The following FANCC variants were observed in gnomAD, a reference collection of about 807,000 sequenced individuals.
FANCC encodes Fanconi anemia group C protein.
Under a neutral mutation model 71.3 loss-of-function variants are expected in FANCC, and 55 were observed. The observed-to-expected ratio is 0.77, with a 90% CI of 0.62 to 0.97. The LOEUF is 0.97. FANCC is among the 50% of genes least tolerant of loss of function. The pLI, the probability that FANCC is intolerant of heterozygous loss-of-function variation, is 0.00. For synonymous variants in FANCC, 275 were observed against 244.9 expected (o/e 1.12, Z -1.15); for missense variants, 678 against 670.9 (o/e 1.01, Z -0.12).
intron 7 of FANCC, among the ~76,000 whole-genome samples, chr9:95,137,994 G>A (rs1400180084): frequency 6.6e-6 from 1 of 152,264 alleles, no homozygotes. Flanking sequence ...GCCCAGAGGT[G>A]GGGCCTAGTG....
intron 11 of FANCC, among the ~76,000 whole-genome samples, chr9:95,115,234 G>A (rs535558814): frequency 5.1e-4 from 78 of 152,282 alleles, no homozygotes; most frequent in African/African-American, 1.8e-3. Flanking sequence ...TAATCACCAC[G>A]CTTGCCCTCA....
At chr9:95,131,242 T>C (rs1250240303) in intron 8 of FANCC, among the ~76,000 whole-genome samples, 1 of 152,214 alleles carries the variant, frequency 6.6e-6, no homozygotes, top group Non-Finnish European at 1.5e-5. Context: ...ACACAGAGGA[T>C]CCCCAGCACC....
At chr9:95,245,330 A>T (rs940510612) in intron 3 of FANCC, among the ~76,000 whole-genome samples, 3 of 152,068 alleles carry the variant, frequency 2.0e-5, no homozygotes. Context: ...GTGAACATGG[A>T]CTGCACAGAA....
At chr9:95,156,206 A>G (rs1382663672) in intron 6 of FANCC, among the ~76,000 whole-genome samples, 1 of 152,228 alleles carries the variant, frequency 6.6e-6, no homozygotes, top group African/African-American at 2.4e-5. Context: ...AAGGATGTCC[A>G]TGCTGGCATC....
intron 1 of FANCC, among the ~76,000 whole-genome samples, chr9:95,262,832 C>T (rs1479901316): frequency 6.6e-6 from 1 of 152,124 alleles, no homozygotes; most frequent in African/African-American, 2.4e-5. Flanking sequence ...CTTGAAAACA[C>T]CATGCTAAGT....
intron 14 of FANCC, among the ~76,000 whole-genome samples, chr9:95,106,579 C>T (rs1033064068): frequency 3.3e-5 from 5 of 152,130 alleles, no homozygotes; most frequent in Admixed American, 1.3e-4. Context: ...TGACTTGGAC[C>T]GTTTTTTACC....
At position 95,247,237 on chromosome 9, in the gene FANCC, T is replaced by G. The variant is rs948475023; in HGVS notation, c.250+195A>C. On this transcript the variant is annotated intron_variant, in intron 3 of 14. Coordinates refer to ENST00000289081, the MANE Select transcript of FANCC (RefSeq NM_000136.3). Reference sequence around the variant, plus strand: ...CGTGTGTGTGTGTGTGTGTGTGTGTTTATCTATACAAACCTACACACACAT... The same window carrying G: ...CGTGTGTGTGTGTGTGTGTGTGTGTGTATCTATACAAACCTACACACACAT... Among the ~76,000 whole-genome samples, 13 of 132,688 alleles carry G rather than the reference T, an allele frequency of 9.8e-5. No individual in the cohort carries two copies. In the East Asian group the frequency reaches 9.9e-4, roughly 10 times the overall value. 87.0% of individuals were successfully genotyped at this position (132,688 alleles called of 152,430 possible).
At chr9:95,301,079 C>T (rs1834695905) in intron 1 of FANCC, among the ~76,000 whole-genome samples, 1 of 151,502 alleles carries the variant, frequency 6.6e-6, no homozygotes, top group South Asian at 2.1e-4. Context: ...TCCTCGCTTG[C>T]AATTATTTCT....
At chr9:95,294,485 C>T in intron 1 of FANCC, 1 of 1,590,670 alleles carries the variant, frequency 6.3e-7, no homozygotes, top group Non-Finnish European at 8.6e-7. Context: ...GACAGTAGCC[C>T]TCATCTGCCT....
At chr9:95,217,551 T>A (rs900991066) in intron 4 of FANCC, among the ~76,000 whole-genome samples, 6 of 151,808 alleles carry the variant, frequency 4.0e-5, no homozygotes, top group Admixed American at 3.9e-4. Flanking sequence ...CAAGGAAAAT[T>A]AGTAAATTTT....
chr9:95,285,827 T>A (rs1833658971), intron 1 of FANCC, among the ~76,000 whole-genome samples: 2 of 152,216 alleles, frequency 1.3e-5, no homozygotes, highest in Non-Finnish European at 2.9e-5. Flanking sequence ...CACTCATTAA[T>A]CCACTTCTAG....
intron 1 of FANCC, among the ~76,000 whole-genome samples, chr9:95,297,183 T>C (rs1288283635): frequency 6.6e-6 from 1 of 152,292 alleles, no homozygotes; most frequent in African/African-American, 2.4e-5. Context: ...CAGCAAAGTG[T>C]AGACTAACAA....
intron 4 of FANCC, among the ~76,000 whole-genome samples, chr9:95,193,177 C>A (rs1827216877): frequency 6.6e-6 from 1 of 152,044 alleles, no homozygotes; most frequent in African/African-American, 2.4e-5. Context: ...GAAGAGCATG[C>A]TGATTAGATT....
chr9:95,216,180 T>C (rs558897561), intron 4 of FANCC, among the ~76,000 whole-genome samples: 5 of 152,216 alleles, frequency 3.3e-5, no homozygotes, highest in Non-Finnish European at 5.9e-5. Flanking sequence ...AAAACTGTTA[T>C]TGTTGTTACT....
Position 95,312,258 on chromosome 9 carries a change from G to A in FANCC, c.-79+5268C>T, listed in dbSNP as rs751454663. Among the ~76,000 whole-genome samples, 52 of 152,194 alleles carry A rather than the reference G, an allele frequency of 3.4e-4. 1 individual carries two copies. Among genetic ancestry groups the A allele is most frequent in the Non-Finnish European group, 1.8e-4 (12 of 68,034 alleles). ...ACTCTCACCACTCATGATTTCTTGA[G>A]GAAGTTCAGAGCAAAGGTGATAAAT... On this transcript the variant is annotated intron_variant, in intron 1 of 14. Coordinates refer to ENST00000289081, the MANE Select transcript of FANCC (RefSeq NM_000136.3).
chr9:95,263,527 T>G (rs1292946128), intron 1 of FANCC, among the ~76,000 whole-genome samples: 1 of 142,388 alleles, frequency 7.0e-6, no homozygotes, highest in Non-Finnish European at 1.6e-5. Context: ...TCTATATATA[T>G]ATAGATATAG....
At chr9:95,151,539 T>G (rs138605279) in intron 6 of FANCC, among the ~76,000 whole-genome samples, 113 of 152,336 alleles carry the variant, frequency 7.4e-4, no homozygotes, top group African/African-American at 2.6e-3. Flanking sequence ...CAGTAGGCAC[T>G]GAGGCTGTTT....
At chr9:95,308,366 T>C (rs935277703) in intron 1 of FANCC, among the ~76,000 whole-genome samples, 3 of 152,126 alleles carry the variant, frequency 2.0e-5, no homozygotes, top group Non-Finnish European at 4.4e-5. Flanking sequence ...CTCAGCTCAC[T>C]GCAACCTCCC....
intron 3 of FANCC, among the ~76,000 whole-genome samples, chr9:95,245,515 T>A (rs904074347): frequency 1.3e-5 from 2 of 151,556 alleles, no homozygotes; most frequent in African/African-American, 4.8e-5. Flanking sequence ...ATGACAACAA[T>A]ACAATAAATC....
Sources: allele counts gnomAD v4.1 joint callset (sites outside exome capture counted in the v4.1 genomes callset), GRCh38; gene constraint gnomAD v4.1.1; transcripts MANE v1.5; gene names NCBI Gene and HGNC (gene_info 2026-07-23, HGNC 2026-07-21).